The following TCF4 variants were observed in gnomAD, a reference collection of about 807,000 sequenced individuals.
TCF4 encodes transcription factor 4.
Under a neutral mutation model 82.1 loss-of-function variants are expected in TCF4, and 3 were observed. The observed-to-expected ratio is 0.04, with a 90% CI of 0.02 to 0.09. TCF4 has a LOEUF of 0.09. Ranked by LOEUF, TCF4 falls within the 10% of genes least tolerant of loss-of-function variation. TCF4 has a pLI of 1.00. For missense variants in TCF4, 518 were observed against 852.7 expected (o/e 0.61, Z 4.89); for synonymous variants, 276 against 309.6 (o/e 0.89, Z 1.14).
chr18:55,615,489 C>G (rs922659993), intron 2 of TCF4, among the ~76,000 whole-genome samples: 1 of 148,650 alleles, frequency 6.7e-6, no homozygotes, highest in Non-Finnish European at 1.5e-5. Flanking sequence ...CAATTCTACT[C>G]CTTCATTTCC....
chr18:55,560,888 T>C (rs1447612230), intron 3 of TCF4, among the ~76,000 whole-genome samples: 3 of 152,232 alleles, frequency 2.0e-5, no homozygotes, highest in Admixed American at 2.0e-4. Context: ...TAGCAAAATA[T>C]TGAAATTTTT....
intron 8 of TCF4, among the ~76,000 whole-genome samples, chr18:55,339,798 C>T (rs930694340): frequency 6.6e-6 from 1 of 152,052 alleles, no homozygotes; most frequent in Non-Finnish European, 1.5e-5. Flanking sequence ...TCAAAAATAC[C>T]TTTTCTTTTG....
At chr18:55,269,776 T>C (rs1397646735) in intron 11 of TCF4, 55 bp downstream of exon 11, 15 of 1,610,206 alleles carry the variant, frequency 9.3e-6, no homozygotes, top group Admixed American at 5.0e-5. Flanking sequence ...AGGTCCTTGA[T>C]GATTAAACTC....
chr18:55,370,343 G>A (rs941511439), intron 6 of TCF4, among the ~76,000 whole-genome samples: 10 of 151,970 alleles, frequency 6.6e-5, no homozygotes, highest in Non-Finnish European at 1.3e-4. Context: ...GAGGTCAAGG[G>A]GACGGTAAGC....
At chr18:55,315,021 A>G (rs1442043971) in intron 8 of TCF4, among the ~76,000 whole-genome samples, 3 of 151,764 alleles carry the variant, frequency 2.0e-5, no homozygotes, top group African/African-American at 7.3e-5. Flanking sequence ...CTGGAATTCA[A>G]CTCTCCCCAC....
chr18:55,467,169 C>T (rs1360543134), intron 3 of TCF4, among the ~76,000 whole-genome samples: 1 of 151,988 alleles, frequency 6.6e-6, no homozygotes, highest in Non-Finnish European at 1.5e-5. Flanking sequence ...CTCATTTATC[C>T]ATATCCATAG....
At chr18:55,530,986 C>G (rs2097056528) in intron 3 of TCF4, among the ~76,000 whole-genome samples, 1 of 151,038 alleles carries the variant, frequency 6.6e-6, no homozygotes, top group Non-Finnish European at 1.5e-5. Context: ...GAGTCTTGTT[C>G]TGTCATCCAG....
At chr18:55,430,384 A>G (rs548049944) in intron 5 of TCF4, among the ~76,000 whole-genome samples, 41 of 152,246 alleles carry the variant, frequency 2.7e-4, no homozygotes, top group Non-Finnish European at 2.9e-4. Flanking sequence ...GGCAAAGCCA[A>G]TAATTTCCAA....
chr18:55,379,597 A>G (rs372848741), intron 6 of TCF4, among the ~76,000 whole-genome samples: 4 of 152,204 alleles, frequency 2.6e-5, no homozygotes, highest in East Asian at 1.9e-4. Context: ...GCCATTCCCC[A>G]GGAACAACGA....
chr18:55,275,397 CA>C (rs930035906), intron 10 of TCF4, among the ~76,000 whole-genome samples: 4 of 150,946 alleles, frequency 2.6e-5, no homozygotes, highest in Admixed American at 2.6e-4. Context: ...GAGCAAAACA[CA>C]ATAAACAAAA....
intron 3 of TCF4, among the ~76,000 whole-genome samples, chr18:55,545,023 T>G (rs539484780): frequency 6.6e-6 from 1 of 152,186 alleles, no homozygotes; most frequent in Non-Finnish European, 1.5e-5. Context: ...TAGACAGTAG[T>G]GATTGCACAC....
chr18:55,263,665 T>C (rs1322797538), intron 11 of TCF4, among the ~76,000 whole-genome samples: 3 of 151,154 alleles, frequency 2.0e-5, no homozygotes, highest in Non-Finnish European at 4.4e-5. Context: ...ATAATAATGA[T>C]GTGAAATATA....
At chr18:55,321,939 A>T (rs1379383041) in intron 8 of TCF4, 12 of 1,380,994 alleles carry the variant, frequency 8.7e-6, no homozygotes, top group Non-Finnish European at 1.1e-5. Flanking sequence ...AACTTTGCGC[A>T]GCGGAGCTGG....
intron 3 of TCF4, among the ~76,000 whole-genome samples, chr18:55,566,733 G>C (rs1295707101): frequency 6.6e-6 from 1 of 152,098 alleles, no homozygotes; most frequent in African/African-American, 2.4e-5. Context: ...AAAGTTAAGA[G>C]AATGAAGGAC....
chr18:55,378,988 A>G (rs537750186), intron 6 of TCF4, among the ~76,000 whole-genome samples: 1 of 152,332 alleles, frequency 6.6e-6, no homozygotes, highest in African/African-American at 2.4e-5. Flanking sequence ...CTAGCCTAGC[A>G]CTAAAATCAT....
At chr18:55,483,455 ACACTT>A (rs2096470664) in intron 3 of TCF4, among the ~76,000 whole-genome samples, 1 of 152,188 alleles carries the variant, frequency 6.6e-6, no homozygotes, top group African/African-American at 2.4e-5. Flanking sequence ...ACACATTGAA[ACACTT>A]CACTTGCCAG....
At chr18:55,556,946 A>ACTTCTC (rs1377541589) in intron 3 of TCF4, among the ~76,000 whole-genome samples, 1 of 152,152 alleles carries the variant, frequency 6.6e-6, no homozygotes, top group Non-Finnish European at 1.5e-5. Flanking sequence ...CCCATCACTT[A>ACTTCTC]CTTCTCCCAT....
intron 5 of TCF4, among the ~76,000 whole-genome samples, chr18:55,429,784 A>AC (rs1569464205): frequency 2.7e-5 from 4 of 150,832 alleles, no homozygotes; most frequent in Non-Finnish European, 5.9e-5. Context: ...AAAAAAAAAA[A>AC]AAAAACAATT....
chr18:55,337,035 T>G (rs938557832), intron 8 of TCF4, among the ~76,000 whole-genome samples: 2 of 152,102 alleles, frequency 1.3e-5, no homozygotes, highest in African/African-American at 4.8e-5. Flanking sequence ...AAAATGAAGT[T>G]TTTTAGAAAA....
Sources: gnomAD v4.1 joint callset for allele counts (sites outside exome capture counted in the v4.1 genomes callset) on GRCh38, gnomAD v4.1.1 for gene constraint, MANE v1.5 for transcripts, NCBI Gene and HGNC (gene_info 2026-07-23, HGNC 2026-07-21) for gene names.